The following SMOC2 variants were observed in gnomAD, a reference collection of about 807,000 sequenced individuals.
The protein encoded by SMOC2 is SPARC related modular calcium binding 2.
Under a neutral mutation model 61.4 loss-of-function variants are expected in SMOC2, and 39 were observed. The ratio of observed to expected loss-of-function variants is 0.64; its 90% confidence interval spans 0.49 to 0.83. The LOEUF is 0.83. Among genes scored for constraint, SMOC2 ranks in the 40% least tolerant of loss-of-function variants. The pLI is 0.00. For synonymous variants in SMOC2, 247 were observed against 239.9 expected (o/e 1.03, Z -0.27); for missense variants, 556 against 592.9 (o/e 0.94, Z 0.65).
intron 9 of SMOC2, among the ~76,000 whole-genome samples, chr6:168,634,825 A>C (rs1356651102): frequency 6.6e-6 from 1 of 152,126 alleles, no homozygotes; most frequent in East Asian, 1.9e-4. Context: ...CTGATTTCTG[A>C]TTTCCTTTGA....
At position 168,453,585 on chromosome 6, in the gene SMOC2, T is replaced by C. The variant is rs982060381; in HGVS notation, c.84+12131T>C. Among the ~76,000 whole-genome samples the C allele has an allele frequency of 6.6e-6, 1 of 151,442 alleles. No individual in the cohort carries two copies. Among genetic ancestry groups the C allele is most frequent in the South Asian group, 2.1e-4 (1 of 4,784 alleles). ...GATTCTCTCAGTCTCTGCCATTTGC[T>C]CTCTCTCTTTCTGTCTGTCTCTGTT... On this transcript the variant is annotated intron_variant, in intron 1 of 12. Coordinates refer to ENST00000356284, the MANE Select transcript of SMOC2 (RefSeq NM_001166412.2). The surrounding 1 kb of genome is among the most constrained non-coding windows in gnomAD (Gnocchi z 4.4).
intron 2 of SMOC2, among the ~76,000 whole-genome samples, chr6:168,511,509 GAC>G (rs974338291): frequency 5.9e-5 from 9 of 152,174 alleles, no homozygotes; most frequent in African/African-American, 1.4e-4. Flanking sequence ...TCCCTCCCAT[GAC>G]ACGTGGGGAA....
chr6:168,578,416 A>G (rs974422404), intron 7 of SMOC2, among the ~76,000 whole-genome samples: 3 of 152,168 alleles, frequency 2.0e-5, no homozygotes, highest in Non-Finnish European at 2.9e-5. Flanking sequence ...TTCAAATTCC[A>G]TTGAGGTAGG....
intron 2 of SMOC2, 92 bp downstream of exon 2, chr6:168,510,178 T>C: frequency 9.7e-6 from 13 of 1,336,978 alleles, no homozygotes; most frequent in Non-Finnish European, 1.2e-5. Context: ...ACTTTTTACA[T>C]TTACAAACTC....
rs182636685 is a variant in SMOC2 at position 168,453,304 on chromosome 6, C to T, written c.84+11850C>T. Among the ~76,000 whole-genome samples, 80 of 152,272 alleles carry T rather than the reference C, an allele frequency of 5.3e-4. No homozygotes were observed. Among genetic ancestry groups the T allele is most frequent in the East Asian group, 4.4e-3 (23 of 5,176 alleles). ...GTGGCCTCAAGGCTCCGTCACCCTG[C>T]GGCCCTGTCATTTCGGGCTGTGCCT... On this transcript the variant is annotated intron_variant, in intron 1 of 12. Coordinates refer to ENST00000356284, the MANE Select transcript of SMOC2 (RefSeq NM_001166412.2). This position sits in a 1 kb window ranked among gnomAD's most constrained non-coding sequence, Gnocchi z 4.4.
At position 168,600,621 on chromosome 6, in the gene SMOC2, G is replaced by A. The variant is rs924102614; in HGVS notation, c.824+1617G>A. 3.3e-5 allele frequency among the ~76,000 whole-genome samples: 5 copies of A among 152,156 alleles called. No individual in the cohort carries two copies. The South Asian group carries it at 6.2e-4, about 19-fold the overall frequency. On this transcript the variant is annotated intron_variant, in intron 8 of 12. Coordinates refer to ENST00000356284, the MANE Select transcript of SMOC2 (RefSeq NM_001166412.2). ...TGGCTCTGGGACCCAGTGCCAGGGT[G>A]GAAACGTGGACGGCATCAAATACCA...
rs1001920362 is a variant in SMOC2, at chr6:168,553,699, C to T, written c.637+4496C>T. Among the ~76,000 whole-genome samples the T allele has an allele frequency of 6.6e-6, 1 of 152,198 alleles. No homozygotes were observed. The highest frequency in any genetic ancestry group is 1.5e-5 in the Non-Finnish European group (1 of 68,040). On this transcript the variant is annotated intron_variant, in intron 7 of 12. Coordinates refer to ENST00000356284, the MANE Select transcript of SMOC2 (RefSeq NM_001166412.2). The surrounding 1 kb of genome is among the most constrained non-coding windows in gnomAD (Gnocchi z 4.2). ...AGCATATGATCGTGGCATGTCAAAG[C>T]CAAGGAGGGCTCTATCTCTGGGGCG...
At chr6:168,496,560 G>A (rs892592703) in intron 1 of SMOC2, among the ~76,000 whole-genome samples, 1 of 152,186 alleles carries the variant, frequency 6.6e-6, no homozygotes, top group Non-Finnish European at 1.5e-5. Context: ...GGGACCAATC[G>A]CCTGTCGCCC....
At chr6:168,621,501 G>A (rs890786792) in intron 9 of SMOC2, among the ~76,000 whole-genome samples, 27 of 152,128 alleles carry the variant, frequency 1.8e-4, no homozygotes, top group African/African-American at 6.0e-4. Context: ...GTAGTAACCC[G>A]CTTGTACTAG....
intron 8 of SMOC2, among the ~76,000 whole-genome samples, chr6:168,606,250 C>T (rs1046108387): frequency 5.3e-5 from 8 of 152,148 alleles, no homozygotes; most frequent in South Asian, 2.1e-4. Context: ...TTCTTGTGAC[C>T]TCTTGGAGCT....
rs372989925 is a variant in SMOC2 at position 168,599,506 on chromosome 6, A to ACT, written c.824+504_824+505dup. The stretch of plus-strand genomic sequence containing the variant: ...AATCATACCCCACACACCCACTGAC[A>ACT]CTCACACACACACTCATACCCCCAC... On this transcript the variant is annotated intron_variant, in intron 8 of 12. Transcript: ENST00000356284. Among the ~76,000 whole-genome samples, 227 of 58,974 alleles carry ACT rather than the reference A, an allele frequency of 3.8e-3. 3 individuals carry two copies. Among genetic ancestry groups the ACT allele is most frequent in the African/African-American group, 0.017 (212 of 12,498 alleles). 38.7% of individuals were successfully genotyped at this position (58,974 alleles called of 152,430 possible).
At chr6:168,458,449 C>A (rs200228480) in intron 1 of SMOC2, among the ~76,000 whole-genome samples, 1 of 152,304 alleles carries the variant, frequency 6.6e-6, no homozygotes, top group South Asian at 2.1e-4. Flanking sequence ...TCCTGGATTC[C>A]CACTCGCCAT....
chr6:168,447,878 G>A (rs921201235), intron 1 of SMOC2, among the ~76,000 whole-genome samples: 8 of 151,416 alleles, frequency 5.3e-5, no homozygotes, highest in Admixed American at 2.6e-4. Flanking sequence ...CCTTGCCTGC[G>A]TCAGGGTGTT....
At chr6:168,515,192 G>A (rs545399096) in intron 2 of SMOC2, among the ~76,000 whole-genome samples, 1 of 152,196 alleles carries the variant, frequency 6.6e-6, no homozygotes, top group South Asian at 2.1e-4. Context: ...CAAATATAAG[G>A]GAGAAGTAGG....
intron 8 of SMOC2, among the ~76,000 whole-genome samples, chr6:168,599,322 T>G (rs1583147111): frequency 1.3e-5 from 1 of 78,640 alleles, no homozygotes; most frequent in Non-Finnish European, 2.5e-5. Context: ...CCCACACTGT[T>G]TCACACACAC....
chr6:168,574,933 G>C (rs1203565863), intron 7 of SMOC2, among the ~76,000 whole-genome samples: 1 of 152,200 alleles, frequency 6.6e-6, no homozygotes, highest in African/African-American at 2.4e-5. Context: ...GGGTGCGGGG[G>C]CTGCTTCCTG....
intron 7 of SMOC2, among the ~76,000 whole-genome samples, chr6:168,558,624 G>A (rs1784306096): frequency 6.6e-6 from 1 of 152,190 alleles, no homozygotes; most frequent in South Asian, 2.1e-4. Context: ...AGCTCAGTCT[G>A]GTTGGATGCA....
At chr6:168,536,490 G>C (rs1287826585) in intron 4 of SMOC2, among the ~76,000 whole-genome samples, 1 of 152,166 alleles carries the variant, frequency 6.6e-6, no homozygotes, top group African/African-American at 2.4e-5. Context: ...AGGGGGTGAA[G>C]CTCAGCCTCA....
chr6:168,637,565 A>G (rs1209575898), intron 9 of SMOC2, among the ~76,000 whole-genome samples: 1 of 152,230 alleles, frequency 6.6e-6, no homozygotes, highest in Non-Finnish European at 1.5e-5. Flanking sequence ...ATCCTGGAGA[A>G]GCATACAGCT....
Sources: allele counts gnomAD v4.1 joint callset (sites outside exome capture counted in the v4.1 genomes callset), GRCh38; gene constraint gnomAD v4.1.1; non-coding constraint Gnocchi (gnomAD v3.1); transcripts MANE v1.5; gene names NCBI Gene and HGNC (gene_info 2026-07-23, HGNC 2026-07-21).